SESTD1: variants seen among roughly 807,000 people sequenced by gnomAD.
The protein encoded by SESTD1 is SEC14 and spectrin domain containing 1.
SESTD1 carries 43 observed loss-of-function variants against 101.7 expected under a neutral mutation model. That is an observed-to-expected ratio of 0.42 (90% CI 0.33 to 0.55). SESTD1 has a LOEUF of 0.55. Among genes scored for constraint, SESTD1 ranks in the 20% least tolerant of loss-of-function variants. SESTD1 has a pLI of 0.07. For missense variants in SESTD1, 647 were observed against 815.1 expected, an observed-to-expected ratio of 0.79 and a Z score of 2.51; for synonymous variants, 283 against 286.8, an observed-to-expected ratio of 0.99 and a Z score of 0.13.
In SESTD1 at chr2:179,206,086, A is replaced by C. The variant is rs1194714182; in HGVS notation, c.-25-14220T>G. On this transcript the variant is annotated intron_variant, in intron 1 of 17. Coordinates refer to ENST00000428443, the MANE Select transcript of SESTD1 (RefSeq NM_178123.5). ...GGAAAAATCTTGCAAAATACAACCA[A>C]CACCACCACCACCTCCACAATAAAA... Among the ~76,000 whole-genome samples the C allele has an allele frequency of 2.2e-5, 3 of 135,192 alleles. 1 individual carries two copies. The highest frequency in any genetic ancestry group is 5.8e-5 in the African/African-American group (2 of 34,194). 88.7% of individuals were successfully genotyped at this position (135,192 alleles called of 152,430 possible). A position where few individuals can be genotyped will look rare whatever the true frequency, so the allele number is the denominator to read the frequency against.
intron 6 of SESTD1, among the ~76,000 whole-genome samples, chr2:179,151,073 A>G (rs1311086421): frequency 6.6e-6 from 1 of 152,220 alleles, no homozygotes; most frequent in African/African-American, 2.4e-5. Context: ...GCATTGTTGA[A>G]GGCCTAGCAA....
At chr2:179,165,083 T>C (rs1011779347) in intron 5 of SESTD1, among the ~76,000 whole-genome samples, 3 of 152,200 alleles carry the variant, frequency 2.0e-5, no homozygotes, top group African/African-American at 2.4e-5. Context: ...TAATGGATAG[T>C]GTTGAACTGC....
intron 8 of SESTD1, among the ~76,000 whole-genome samples, chr2:179,144,303 AAAAG>A (rs2105442329): frequency 6.6e-6 from 1 of 152,220 alleles, no homozygotes; most frequent in Admixed American, 6.5e-5. Context: ...GCATTTAAAA[AAAAG>A]GTGACAGTAT....
At chr2:179,138,324 T>C (rs892296828) in intron 9 of SESTD1, among the ~76,000 whole-genome samples, 1 of 152,180 alleles carries the variant, frequency 6.6e-6, no homozygotes, top group Admixed American at 6.6e-5. Flanking sequence ...AAAGTAAAAA[T>C]GCTGGATAAA....
At chr2:179,141,688 C>T (rs1223135889) in intron 9 of SESTD1, among the ~76,000 whole-genome samples, 1 of 152,026 alleles carries the variant, frequency 6.6e-6, no homozygotes. Flanking sequence ...GAGACTATGA[C>T]ATAAGGACCT....
At position 179,109,733 on chromosome 2, in the gene SESTD1, T is replaced by C. The variant is rs1421358267; in HGVS notation, c.*166A>G. The C allele has an allele frequency of 1.5e-5, 11 of 749,302 alleles. No homozygotes were observed. Among genetic ancestry groups the C allele is most frequent in the Non-Finnish European group, 2.1e-5 (10 of 476,892 alleles). 46.4% of individuals were successfully genotyped at this position (749,302 alleles called of 1,614,324 possible). A position where few individuals can be genotyped will look rare whatever the true frequency, so the allele number is the denominator to read the frequency against. ...AGCCTCGAAGCATGTTAAGTAATTA[T>C]GCCTTGGTAGTAGCAAGGTGTTAAC... On this transcript the variant is annotated 3_prime_UTR_variant, in exon 18 of 18. Transcript: ENST00000428443.
chr2:179,129,317 T>C (rs1303738244), intron 10 of SESTD1, among the ~76,000 whole-genome samples: 1 of 152,212 alleles, frequency 6.6e-6, no homozygotes, highest in Non-Finnish European at 1.5e-5. Context: ...AACATAAAAT[T>C]AGATTTTTGA....
chr2:179,181,751 G>T (rs2046116108), intron 3 of SESTD1, among the ~76,000 whole-genome samples: 1 of 152,048 alleles, frequency 6.6e-6, no homozygotes, highest in East Asian at 1.9e-4. Flanking sequence ...ATCCATCTAT[G>T]AATATTTTTT....
chr2:179,149,208 T>A (rs1267655883), intron 7 of SESTD1, 89 bp downstream of exon 7: 1 of 878,126 alleles, frequency 1.1e-6, no homozygotes, highest in African/African-American at 1.8e-5. Flanking sequence ...TTACTGTAGT[T>A]CTTTTAGCTT....
In SESTD1 at chr2:179,225,851, A is replaced by C. The variant is rs558883108; in HGVS notation, c.-25-33985T>G. Among the ~76,000 whole-genome samples the C allele has an allele frequency of 2.0e-5, 3 of 152,318 alleles. No homozygotes were observed. In the South Asian group the frequency reaches 6.2e-4, roughly 32 times the overall value. ...GACTCAATCACCTCCGAAAGGCTAT[A>C]TACCTCTTAATGCAACCACAGTTGG... On this transcript the variant is annotated intron_variant, in intron 1 of 17. Coordinates refer to ENST00000428443, the MANE Select transcript of SESTD1 (RefSeq NM_178123.5).
chr2:179,169,227 G>A (rs1243560096), intron 5 of SESTD1, among the ~76,000 whole-genome samples: 1 of 151,968 alleles, frequency 6.6e-6, no homozygotes. Flanking sequence ...TAAATATAAA[G>A]AAGTTAAAAG....
At chr2:179,165,218 TC>T (rs1356347441) in intron 5 of SESTD1, among the ~76,000 whole-genome samples, 1 of 152,244 alleles carries the variant, frequency 6.6e-6, no homozygotes, top group Non-Finnish European at 1.5e-5. Flanking sequence ...TAGCTGAATC[TC>T]TTCAATGTCT....
chr2:179,120,742 T>G lies in SESTD1; in HGVS notation c.1442+1028A>C, dbSNP rs552063020. Among the ~76,000 whole-genome samples the G allele has an allele frequency of 1.4e-3, 209 of 152,044 alleles. 2 individuals carry two copies. Among genetic ancestry groups the G allele is most frequent in the African/African-American group, 4.8e-3 (200 of 41,446 alleles). On this transcript the variant is annotated intron_variant, in intron 13 of 17. Transcript: ENST00000428443. ...AGGGTAGAAGTCAGACTGAAAAGAG[T>G]TGAAAATAAATTGGAGGTAGTGGGG...
At chr2:179,115,007 AT>A in intron 16 of SESTD1, 57 bp downstream of exon 16, 2 of 1,434,470 alleles carry the variant, frequency 1.4e-6, no homozygotes, top group Non-Finnish European at 9.5e-7. Flanking sequence ...AAATTAACAT[AT>A]TTTAAACACA....
chr2:179,136,685 A>G (rs1374808766), intron 9 of SESTD1, among the ~76,000 whole-genome samples: 1 of 152,208 alleles, frequency 6.6e-6, no homozygotes. Flanking sequence ...TATAGTTTTT[A>G]GAAACTTAAG....
At chr2:179,252,700 G>A (rs545235453) in intron 1 of SESTD1, among the ~76,000 whole-genome samples, 1 of 152,060 alleles carries the variant, frequency 6.6e-6, no homozygotes, top group Non-Finnish European at 1.5e-5. Flanking sequence ...TATTTTGCTG[G>A]GTCCACTAGA....
chr2:179,127,645 T>A (rs1413681425), intron 10 of SESTD1, among the ~76,000 whole-genome samples: 1 of 152,234 alleles, frequency 6.6e-6, no homozygotes, highest in African/African-American at 2.4e-5. Flanking sequence ...CCCTACCATG[T>A]GCAGGACAGC....
intron 5 of SESTD1, among the ~76,000 whole-genome samples, chr2:179,156,230 T>C (rs1399676780): frequency 1.3e-5 from 2 of 152,130 alleles, no homozygotes; most frequent in Non-Finnish European, 2.9e-5. Context: ...TATCCACTCA[T>C]TGATTGATGG....
chr2:179,219,427 G>T (rs559496125), intron 1 of SESTD1, among the ~76,000 whole-genome samples: 1 of 152,190 alleles, frequency 6.6e-6, no homozygotes, highest in Non-Finnish European at 1.5e-5. Context: ...ATCATCTCTA[G>T]TAAGTCTACA....
Sources: gnomAD v4.1 joint callset for allele counts (sites outside exome capture counted in the v4.1 genomes callset) on GRCh38, gnomAD v4.1.1 for gene constraint, MANE v1.5 for transcripts, NCBI Gene and HGNC (gene_info 2026-07-23, HGNC 2026-07-21) for gene names.